CYSTM1: variants seen among roughly 807,000 people sequenced by gnomAD.
CYSTM1 encodes the protein cysteine-rich transmembrane module-containing protein 1.
Under a neutral mutation model 13.1 loss-of-function variants are expected in CYSTM1, and 4 were observed. The ratio of observed to expected loss-of-function variants is 0.31; its 90% CI spans 0.15 to 0.70. CYSTM1 has a LOEUF of 0.70. Among genes scored for constraint, CYSTM1 ranks in the 30% least tolerant of loss-of-function variants. CYSTM1 has a pLI of 0.72. For synonymous variants in CYSTM1, 36 were observed against 42.7 expected (o/e 0.84, Z 0.62); for missense variants, 96 against 121.6 (o/e 0.79, Z 0.99).
rs192879235 is a variant in CYSTM1, at chr5:140,197,338, G to C, written c.187+2686G>C. Among the ~76,000 whole-genome samples, 15 of 152,218 alleles carry C rather than the reference G, an allele frequency of 9.9e-5. No individual in the cohort carries two copies. The East Asian group carries it at 1.2e-3, about 12-fold the overall frequency. On this transcript the variant is annotated intron_variant, in intron 2 of 2. Coordinates refer to ENST00000261811, the MANE Select transcript of CYSTM1 (RefSeq NM_032412.4). The stretch of plus-strand genomic sequence containing the variant: ...TCTTAATTCTTTTTAGGGTTAAAAG[G>C]CTCCTTAGTTCAGTGTTACCAATCA...
rs148838413 is a variant in CYSTM1, at chr5:140,189,629, A to C, written c.-20-4817A>C. 4.5e-3 allele frequency among the ~76,000 whole-genome samples: 690 copies of C among 152,178 alleles called. 4 individuals carry two copies. The highest frequency in any genetic ancestry group is 8.0e-3 in the Non-Finnish European group (547 of 67,970). ...TGTTTCACGTAATAATAGTTATTTTATTTATTGTTTTGGGGTCATTTTCTA... is the reference window on the plus strand; with the variant it reads ...TGTTTCACGTAATAATAGTTATTTTCTTTATTGTTTTGGGGTCATTTTCTA... On this transcript the variant is annotated intron_variant, in intron 1 of 2. Coordinates refer to ENST00000261811, the MANE Select transcript of CYSTM1 (RefSeq NM_032412.4).
At chr5:140,232,362 CGTGA>C (rs1764627214) in intron 2 of CYSTM1, among the ~76,000 whole-genome samples, 3 of 152,048 alleles carry the variant, frequency 2.0e-5, no homozygotes, top group Admixed American at 6.6e-5. Flanking sequence ...AAACTGTGGC[CGTGA>C]GTAAGATCAA....
intron 1 of CYSTM1, among the ~76,000 whole-genome samples, chr5:140,180,461 G>A (rs1431864436): frequency 6.6e-6 from 1 of 152,196 alleles, no homozygotes; most frequent in East Asian, 1.9e-4. Context: ...GCTACTAATT[G>A]GCTTGGCTAT....
intron 1 of CYSTM1, among the ~76,000 whole-genome samples, chr5:140,190,350 T>C (rs927837354): frequency 6.6e-6 from 1 of 152,168 alleles, no homozygotes; most frequent in African/African-American, 2.4e-5. Context: ...GAGGCCTTCC[T>C]CCAATGTCTG....
At chr5:140,191,926 A>G (rs1764099885) in intron 1 of CYSTM1, among the ~76,000 whole-genome samples, 1 of 152,226 alleles carries the variant, frequency 6.6e-6, no homozygotes, top group Admixed American at 6.5e-5. Flanking sequence ...GTCCAAATTC[A>G]TATGATAATT....
intron 2 of CYSTM1, among the ~76,000 whole-genome samples, chr5:140,205,975 C>G (rs1347206734): frequency 6.6e-6 from 1 of 152,222 alleles, no homozygotes; most frequent in African/African-American, 2.4e-5. Flanking sequence ...TTCCATTTCA[C>G]TGGAGTGAAA....
intron 1 of CYSTM1, among the ~76,000 whole-genome samples, chr5:140,193,777 G>A (rs891872173): frequency 2.6e-5 from 4 of 152,198 alleles, no homozygotes; most frequent in Non-Finnish European, 4.4e-5. Flanking sequence ...AATGTTCCTG[G>A]TGAGCCCTCC....
chr5:140,229,545 T>A (rs192523936), intron 2 of CYSTM1, among the ~76,000 whole-genome samples: 2 of 152,274 alleles, frequency 1.3e-5, no homozygotes, highest in African/African-American at 4.8e-5. Context: ...AGAAGTCATG[T>A]TTATCATCTT....
chr5:140,207,149 C>G lies in CYSTM1; in HGVS notation c.187+12497C>G, dbSNP rs567316412. ...CTTGAGAAGCTTGTGGTTTCTGACC[C>G]AGCAAGTGGGTCTGGACACATATAT... On this transcript the variant is annotated intron_variant, in intron 2 of 2. Coordinates refer to ENST00000261811, the MANE Select transcript of CYSTM1 (RefSeq NM_032412.4). 1.4e-4 allele frequency among the ~76,000 whole-genome samples: 21 copies of G among 152,258 alleles called. No individual in the cohort carries two copies. In the South Asian group the frequency reaches 4.1e-3, roughly 30 times the overall value.
intron 2 of CYSTM1, among the ~76,000 whole-genome samples, chr5:140,218,058 T>TTGGTGATAG (rs1296940233): frequency 2.6e-5 from 4 of 152,170 alleles, no homozygotes; most frequent in African/African-American, 9.7e-5. Flanking sequence ...AGAAAGGTTC[T>TTGGTGATAG]TGGTGATAGC....
chr5:140,182,422 G>A (rs895503520), intron 1 of CYSTM1, among the ~76,000 whole-genome samples: 2 of 152,184 alleles, frequency 1.3e-5, no homozygotes, highest in African/African-American at 2.4e-5. Flanking sequence ...TAAATGCAAT[G>A]TGAAACCACT....
intron 2 of CYSTM1, among the ~76,000 whole-genome samples, chr5:140,204,492 C>G (rs1479396389): frequency 6.6e-6 from 1 of 152,094 alleles, no homozygotes; most frequent in Non-Finnish European, 1.5e-5. Context: ...GAAAATATTT[C>G]CAGCCTTTTC....
At position 140,239,084 on chromosome 5, in the gene CYSTM1, C is replaced by A. The variant is rs1484656220; in HGVS notation, c.188-4221C>A. Among the ~76,000 whole-genome samples the A allele has an allele frequency of 6.6e-6, 1 of 152,188 alleles. No homozygotes were observed. Among genetic ancestry groups the A allele is most frequent in the Non-Finnish European group, 1.5e-5 (1 of 68,032 alleles). On this transcript the variant is annotated intron_variant, in intron 2 of 2. Transcript: ENST00000261811. The surrounding 1 kb of genome is among the most constrained non-coding windows in gnomAD (Gnocchi z 5.4). ...CTGGTCTTTCTGTTTGCCTTTCCCG[C>A]CTAGCTCTCTTGGGTTGGGACTGGT...
intron 1 of CYSTM1, among the ~76,000 whole-genome samples, chr5:140,190,619 T>C (rs890634173): frequency 6.6e-6 from 1 of 152,206 alleles, no homozygotes; most frequent in Non-Finnish European, 1.5e-5. Context: ...AATATATTGC[T>C]TTTTTTCCTC....
At chr5:140,222,209 CA>C (rs2126667557) in intron 2 of CYSTM1, among the ~76,000 whole-genome samples, 1 of 152,362 alleles carries the variant, frequency 6.6e-6, no homozygotes, top group African/African-American at 2.4e-5. Context: ...CAGCTTTGTG[CA>C]AGCATGGTAT....
intron 2 of CYSTM1, among the ~76,000 whole-genome samples, chr5:140,226,483 T>TTA (rs1190120997): frequency 3.5e-5 from 4 of 114,214 alleles, no homozygotes; most frequent in South Asian, 5.2e-4. Context: ...ATATATATAT[T>TTA]TATATATATA....
intron 2 of CYSTM1, chr5:140,201,404 A>G (rs1436612887): frequency 6.6e-6 from 1 of 152,242 alleles, no homozygotes; most frequent in African/African-American, 2.4e-5. Flanking sequence ...AACCTGCCAT[A>G]CTGGTCCATA....
At chr5:140,238,486 A>G (rs1764710440) in intron 2 of CYSTM1, among the ~76,000 whole-genome samples, 1 of 152,130 alleles carries the variant, frequency 6.6e-6, no homozygotes, top group African/African-American at 2.4e-5. Flanking sequence ...CCCACTCAGC[A>G]CACGGACCTG....
rs144935738 is a variant in CYSTM1, at chr5:140,196,970, A to G, written c.187+2318A>G. Among the ~76,000 whole-genome samples, 80 of 152,328 alleles carry G rather than the reference A, an allele frequency of 5.3e-4. 3 individuals carry two copies. The highest frequency in any genetic ancestry group is 5.1e-3 in the Admixed American group (78 of 15,302). ...TTGATATAAACATTCTTCAAGATAG[A>G]TAGTTATGACTTGTGTACTTTGCTG... On this transcript the variant is annotated intron_variant, in intron 2 of 2. Coordinates refer to ENST00000261811, the MANE Select transcript of CYSTM1 (RefSeq NM_032412.4).
Sources: gnomAD v4.1 joint callset for allele counts (sites outside exome capture counted in the v4.1 genomes callset) on GRCh38, gnomAD v4.1.1 for gene constraint, Gnocchi (gnomAD v3.1) non-coding constraint, MANE v1.5 for transcripts, NCBI Gene and HGNC (gene_info 2026-07-23, HGNC 2026-07-21) for gene names.